MYSM1: variants seen among roughly 807,000 people sequenced by gnomAD.
MYSM1 encodes Myb like, SWIRM and MPN domains 1.
Under a neutral mutation model 116.0 loss-of-function variants are expected in MYSM1, and 51 were observed. The ratio of observed to expected loss-of-function variants is 0.44; its 90% CI spans 0.35 to 0.56. The LOEUF is 0.56. MYSM1 is among the 20% of genes least tolerant of loss of function. The probability of loss-of-function intolerance (pLI) is 0.00; values close to 1 mark genes in which losing one functional copy is unlikely to be tolerated. For missense variants in MYSM1, 900 were observed against 974.9 expected (o/e 0.92, Z 1.02); for synonymous variants, 313 against 315.2 (o/e 0.99, Z 0.07).
Position 58,661,132 on chromosome 1 carries a change from T to C in MYSM1, c.2328+38A>G, listed in dbSNP as rs1474571702. ...CATTGAGATGAATAGCTTCAGAATC[T>C]GTGAACAATGGAACCAATTAAAATG... On this transcript the variant is annotated intron_variant, in intron 19 of 19. Transcript: ENST00000472487. 3 of 1,498,468 alleles carry C rather than the reference T, an allele frequency of 2.0e-6. No homozygotes were observed. In the East Asian group the frequency reaches 6.8e-5, roughly 34 times the overall value. 92.8% of individuals were successfully genotyped at this position (1,498,468 alleles called of 1,614,324 possible).
At chr1:58,690,680 ATTTTT>A (rs35937590) in intron 3 of MYSM1, among the ~76,000 whole-genome samples, 2 of 137,782 alleles carry the variant, frequency 1.5e-5, no homozygotes, top group Non-Finnish European at 1.6e-5. Flanking sequence ...TTATTTTGTG[ATTTTT>A]TTTTTTTTTT....
intron 17 of MYSM1, among the ~76,000 whole-genome samples, chr1:58,664,876 T>A (rs1644445072): frequency 6.6e-6 from 1 of 152,222 alleles, no homozygotes; most frequent in African/African-American, 2.4e-5. Context: ...TTATTTAGCC[T>A]ACTGTTTCCT....
chr1:58,678,943 G>A (rs554788421), intron 8 of MYSM1, among the ~76,000 whole-genome samples: 2 of 152,266 alleles, frequency 1.3e-5, no homozygotes, highest in South Asian at 4.1e-4. Context: ...TTTATCCTCT[G>A]TGAACCTCAT....
At chr1:58,669,142 G>A in intron 12 of MYSM1, 104 bp from the exon 13 acceptor site, 1 of 746,640 alleles carries the variant, frequency 1.3e-6, no homozygotes, top group East Asian at 3.1e-5. Context: ...CCCAAATTCT[G>A]TCTAAATGAG....
At chr1:58,662,670 G>T (rs184523737) in intron 17 of MYSM1, among the ~76,000 whole-genome samples, 5 of 151,586 alleles carry the variant, frequency 3.3e-5, no homozygotes, top group Admixed American at 2.6e-4. Context: ...AAAAAAAAAA[G>T]GGGAAAAATA....
At chr1:58,669,869 AGTGAAAAAGTAAAAAGAG>A (rs1644534379) in intron 12 of MYSM1, among the ~76,000 whole-genome samples, 1 of 147,152 alleles carries the variant, frequency 6.8e-6, no homozygotes, top group African/African-American at 2.5e-5. Context: ...AAAACAAAAA[AGTGAAAAAGTAAAAAGAG>A]GTGAAAAAGA....
chr1:58,672,364 T>G (rs1274490401), intron 11 of MYSM1, among the ~76,000 whole-genome samples: 3 of 152,174 alleles, frequency 2.0e-5, no homozygotes, highest in Non-Finnish European at 4.4e-5. Context: ...TCTGGCCCAG[T>G]TATTTACTAG....
chr1:58,668,708 CG>C, intron 13 of MYSM1, 26 bp from the exon 14 acceptor site: 2 of 1,579,818 alleles, frequency 1.3e-6, no homozygotes, highest in East Asian at 2.3e-5. Flanking sequence ...CAAAACAAAA[CG>C]GGGGAGCATA....
At chr1:58,683,352 A>T (rs1255754791) in intron 7 of MYSM1, among the ~76,000 whole-genome samples, 1 of 152,212 alleles carries the variant, frequency 6.6e-6, no homozygotes, top group Non-Finnish European at 1.5e-5. Context: ...TCTATCTGAC[A>T]TCTTCACTGA....
At chr1:58,692,971 C>CT in intron 2 of MYSM1, 40 bp from the exon 3 acceptor site, 1 of 1,480,254 alleles carries the variant, frequency 6.8e-7, no homozygotes, top group Non-Finnish European at 9.2e-7. Flanking sequence ...TTATTTATTG[C>CT]TTTTTGAAAT....
At chr1:58,689,013 A>G in intron 6 of MYSM1, 25 bp downstream of exon 6, 1 of 1,581,568 alleles carries the variant, frequency 6.3e-7, no homozygotes, top group South Asian at 1.2e-5. Flanking sequence ...TTATTTTACT[A>G]AAAATTTAAA....
chr1:58,667,887 A>G lies in MYSM1; in HGVS notation c.1802T>C (p.Leu601Pro). 6.2e-7 allele frequency: 1 copy of G among 1,612,906 alleles called. No homozygotes were observed. Among genetic ancestry groups the G allele is most frequent in the Non-Finnish European group, 8.5e-7 (1 of 1,178,966 alleles). The part of the protein sequence containing the change: ...AHVSMAEVIG[L>P]LGGRYSEVDK... ...AACTTCTGAGTATCTTCCTCCTAAC[A>G]GACCAATCACTTCTGCCATAGAAAC... The change falls in exon 15 of 20, where the codon CTG becomes CCG. Residue 601 changes from leucine (L) to proline (P), a missense_variant. By Grantham distance (98) the Leu-to-Pro change is moderately conservative. Around this residue, in one of 3 missense-constraint regions of MYSM1, gnomAD observed 92 missense variants for 155.0 expected, o/e 0.59. Coordinates refer to ENST00000472487, the MANE Select transcript of MYSM1 (RefSeq NM_001085487.3).
At chr1:58,668,266 C>T (rs1347682598) in intron 14 of MYSM1, among the ~76,000 whole-genome samples, 1 of 152,114 alleles carries the variant, frequency 6.6e-6, no homozygotes, top group Non-Finnish European at 1.5e-5. Flanking sequence ...ACAAAGACAT[C>T]ACAAACACAA....
At chr1:58,668,795 A>G (rs1644511487) in intron 13 of MYSM1, 113 bp from the exon 14 acceptor site, 1 of 1,065,546 alleles carries the variant, frequency 9.4e-7, no homozygotes, top group Non-Finnish European at 1.4e-6. Flanking sequence ...AGTTCTCAGC[A>G]CTAACCAAAG....
At chr1:58,690,133 CT>C in intron 5 of MYSM1, 92 bp downstream of exon 5, 1 of 1,044,788 alleles carries the variant, frequency 9.6e-7, no homozygotes, top group Non-Finnish European at 1.4e-6. Context: ...GTCAAGAGGG[CT>C]TTTCCACAGG....
chr1:58,659,836 A>T lies in MYSM1; in HGVS notation c.*161T>A. ...AATCACTATATGAAAACAAATTTGT[A>T]TCTCTTCCTTTTCACATGATTTATG... On this transcript the variant is annotated 3_prime_UTR_variant, in exon 20 of 20. Coordinates refer to ENST00000472487, the MANE Select transcript of MYSM1 (RefSeq NM_001085487.3). The T allele has an allele frequency of 1.8e-6, 1 of 541,414 alleles. No individual in the cohort carries two copies. Among genetic ancestry groups the T allele is most frequent in the Non-Finnish European group, 3.2e-6 (1 of 316,166 alleles). 33.5% of individuals were successfully genotyped at this position (541,414 alleles called of 1,614,324 possible).
At position 58,662,732 on chromosome 1, in the gene MYSM1, TA is replaced by T. The variant is rs1171374622; in HGVS notation, c.2165-1222del. Among the ~76,000 whole-genome samples, 98 of 152,230 alleles carry T rather than the reference TA, an allele frequency of 6.4e-4. 1 individual carries two copies. The highest frequency in any genetic ancestry group is 6.4e-3 in the Admixed American group (98 of 15,266). ...GCATAGCTTAAATGTCAATATGCTC[TA>T]AAAAGGCATTTTTTCAGGTGTTTGG... is the stretch of plus-strand genomic sequence containing the variant. On this transcript the variant is annotated intron_variant, in intron 17 of 19. Coordinates refer to ENST00000472487, the MANE Select transcript of MYSM1 (RefSeq NM_001085487.3).
rs763171017 is a variant in MYSM1 at position 58,695,134 on chromosome 1, G to A, written c.142C>T (p.Leu48Phe). The change falls in exon 2 of 20, where the codon CTT becomes TTT. Residue 48 changes from leucine to phenylalanine, a missense_variant. Physicochemically the swap from Leu to Phe is conservative, Grantham distance 22. This residue lies in a region of MYSM1 where 622 missense variants were observed against 623.7 expected (regional missense o/e 1.00). Transcript: ENST00000472487. ...TATTTTTATAAAATACTTACAATAA[G>A]GCCATTCTCTGTTCTCCAAGATGAA... ...LDSSWRTENG[L>F]IPWTLDNTIS... 5 of 1,586,446 alleles carry A rather than the reference G, an allele frequency of 3.2e-6. No homozygotes were observed. In the South Asian group the frequency reaches 3.3e-5, roughly 11 times the overall value.
In MYSM1 at chr1:58,667,831, A is replaced by T; in HGVS notation, c.1842+16T>A. The T allele has an allele frequency of 6.6e-7, 1 of 1,520,180 alleles. No individual in the cohort carries two copies. Among genetic ancestry groups the T allele is most frequent in the Non-Finnish European group, 9.1e-7 (1 of 1,095,142 alleles). The allele number at this position is 1,520,180 out of a possible 1,614,324, so 94.2% of individuals were successfully genotyped here. On this transcript the variant is annotated intron_variant, in intron 15 of 19. Coordinates refer to ENST00000472487, the MANE Select transcript of MYSM1 (RefSeq NM_001085487.3). ...GACTAAATAACTAAAACATTTTTTT[A>T]AAAGAGAGAACTTACTTCAACTACT... is the stretch of plus-strand genomic sequence containing the variant.
Sources: allele counts gnomAD v4.1 joint callset (sites outside exome capture counted in the v4.1 genomes callset), GRCh38; gene constraint gnomAD v4.1.1; regional missense constraint gnomAD v4.1.1; transcripts MANE v1.5; gene names NCBI Gene and HGNC (gene_info 2026-07-23, HGNC 2026-07-21).